Variants in MED13L observed in about 807,000 individuals in gnomAD.
MED13L encodes mediator complex subunit 13L, also known as mediator of RNA polymerase II transcription subunit 13-like.
Under a neutral mutation model 220.9 loss-of-function variants are expected in MED13L, and 7 were observed. The observed-to-expected ratio is 0.03, with a 90% CI of 0.02 to 0.06. The LOEUF is 0.06. MED13L is among the 10% of genes least tolerant of loss of function. The pLI is 1.00. For missense variants in MED13L, 1,965 were observed against 2,760.5 expected (o/e 0.71, Z 6.46); for synonymous variants, 1,011 against 1,015.2 (o/e 1.00, Z 0.08).
intron 4 of MED13L, among the ~76,000 whole-genome samples, chr12:116,060,748 C>T (rs1355827037): frequency 6.6e-6 from 1 of 151,822 alleles, no homozygotes; most frequent in African/African-American, 2.4e-5. Context: ...AGTATGTATG[C>T]CAATTGTTAG....
chr12:115,980,330 C>T (rs1200100624), intron 23 of MED13L, among the ~76,000 whole-genome samples: 1 of 152,088 alleles, frequency 6.6e-6, no homozygotes, highest in African/African-American at 2.4e-5. Flanking sequence ...AACCTGCCAA[C>T]TCGTTTTTAT....
intron 1 of MED13L, among the ~76,000 whole-genome samples, chr12:116,273,604 A>T (rs1873572362): frequency 6.6e-6 from 1 of 152,212 alleles, no homozygotes; most frequent in African/African-American, 2.4e-5. Flanking sequence ...AAAAGCTTCA[A>T]ATATAGAACT....
chr12:115,997,089 C>T lies in MED13L; in HGVS notation c.2711G>A (p.Ser904Asn). Residue 904 changes from serine to asparagine, a missense_variant, in exon 15 of 31, where the codon AGT (serine) becomes AAT (asparagine). Coordinates refer to ENST00000281928, the MANE Select transcript of MED13L (RefSeq NM_015335.5). Reference sequence around the variant, plus strand: ...TTCTGTGAGTTGTGTTGAAACCATACTGACCATAGGGCTCTCCATCATGCC... The same window carrying T: ...TTCTGTGAGTTGTGTTGAAACCATATTGACCATAGGGCTCTCCATCATGCC... ...ALGMMESPMV[S>N]MVSTQLTEFK... 1 of 1,614,136 alleles carries T rather than the reference C, an allele frequency of 6.2e-7. No homozygotes were observed. Among genetic ancestry groups the T allele is most frequent in the Non-Finnish European group, 8.5e-7 (1 of 1,179,996 alleles).
chr12:116,044,567 C>T (rs1186329187), intron 4 of MED13L, among the ~76,000 whole-genome samples: 1 of 152,156 alleles, frequency 6.6e-6, no homozygotes, highest in African/African-American at 2.4e-5. Context: ...AAGACAGATT[C>T]AAAAGCCTGG....
intron 2 of MED13L, among the ~76,000 whole-genome samples, chr12:116,180,320 C>CA (rs1880429917): frequency 6.6e-6 from 1 of 152,128 alleles, no homozygotes; most frequent in South Asian, 2.1e-4. Context: ...AACATGATAC[C>CA]ACAAGCGAAA....
At chr12:116,137,514 C>T (rs1876661773) in intron 2 of MED13L, among the ~76,000 whole-genome samples, 1 of 152,040 alleles carries the variant, frequency 6.6e-6, no homozygotes. Context: ...CCTTTGGAAA[C>T]TCACGGGGTT....
At chr12:116,092,609 G>A (rs1257997564) in intron 4 of MED13L, among the ~76,000 whole-genome samples, 9 of 152,228 alleles carry the variant, frequency 5.9e-5, no homozygotes, top group East Asian at 1.9e-4. Flanking sequence ...CAAAATACAC[G>A]CTTTGCTATT....
chr12:115,976,180 G>A (rs956635439), intron 23 of MED13L, among the ~76,000 whole-genome samples: 5 of 152,114 alleles, frequency 3.3e-5, no homozygotes, highest in Non-Finnish European at 5.9e-5. Context: ...CCAACAAAAT[G>A]CACATATATG....
intron 9 of MED13L, among the ~76,000 whole-genome samples, chr12:116,011,270 G>A (rs1242865755): frequency 6.6e-6 from 1 of 152,088 alleles, no homozygotes; most frequent in Admixed American, 6.5e-5. Flanking sequence ...CAATGGAATG[G>A]TGCCTTGGTA....
At chr12:116,205,321 GT>G (rs890490727) in intron 2 of MED13L, among the ~76,000 whole-genome samples, 5 of 151,336 alleles carry the variant, frequency 3.3e-5, no homozygotes, top group East Asian at 1.9e-4. Flanking sequence ...TTCAAGTCGT[GT>G]TTTTTTTAAC....
At chr12:116,174,326 C>A (rs1216373215) in intron 2 of MED13L, among the ~76,000 whole-genome samples, 1 of 151,850 alleles carries the variant, frequency 6.6e-6, no homozygotes, top group East Asian at 1.9e-4. Flanking sequence ...ATTTAACTGC[C>A]CAAGGGTAAA....
intron 2 of MED13L, among the ~76,000 whole-genome samples, chr12:116,143,754 T>A (rs1426946157): frequency 6.6e-6 from 1 of 152,198 alleles, no homozygotes; most frequent in Admixed American, 6.5e-5. Context: ...AAAGGAAGAA[T>A]AATTGAGATT....
At chr12:116,062,487 T>C (rs762536247) in intron 4 of MED13L, among the ~76,000 whole-genome samples, 2 of 108,358 alleles carry the variant, frequency 1.8e-5, no homozygotes, top group East Asian at 3.2e-4. Flanking sequence ...TCTCTCTCTG[T>C]GTTTTTTTTT....
At chr12:116,276,308 T>TTGTGTG (rs372521434) in intron 1 of MED13L, 15,526 of 224,698 alleles carry the variant, frequency 0.069, 755 homozygotes, top group Admixed American at 0.088. Context: ...CTTGTTGCTT[T>TTGTGTG]TGTGTGTGTG....
At chr12:116,106,647 C>A (rs1370086957) in intron 3 of MED13L, among the ~76,000 whole-genome samples, 1 of 152,012 alleles carries the variant, frequency 6.6e-6, no homozygotes, top group Non-Finnish European at 1.5e-5. Context: ...GAATTCGAGG[C>A]CAGCCTGGCC....
chr12:116,215,607 G>A (rs1882945460), intron 2 of MED13L, among the ~76,000 whole-genome samples: 1 of 151,860 alleles, frequency 6.6e-6, no homozygotes, highest in Admixed American at 6.6e-5. Context: ...ATCTAGGAAA[G>A]AGTAATTGTT....
Position 115,999,426 on chromosome 12 carries a change from T to C in MED13L, c.2570-2196A>G, listed in dbSNP as rs538645927. ...AAAGTTCATCTACGCTTGAAATAAA[T>C]CCATCACCTTTAACCTTTAGTCCCT... On this transcript the variant is annotated intron_variant, in intron 14 of 30. Coordinates refer to ENST00000281928, the MANE Select transcript of MED13L (RefSeq NM_015335.5). Among the ~76,000 whole-genome samples, 71 of 151,862 alleles carry C rather than the reference T, an allele frequency of 4.7e-4. 1 individual carries two copies. Among genetic ancestry groups the C allele is most frequent in the African/African-American group, 1.7e-3 (69 of 41,414 alleles).
At chr12:116,035,411 C>T (rs1448887400) in intron 4 of MED13L, among the ~76,000 whole-genome samples, 2 of 152,068 alleles carry the variant, frequency 1.3e-5, no homozygotes, top group Non-Finnish European at 2.9e-5. Context: ...GCAATCTTTA[C>T]AATTTCTATA....
chr12:116,022,908 T>C (rs1164908398), intron 4 of MED13L, among the ~76,000 whole-genome samples: 3 of 152,218 alleles, frequency 2.0e-5, no homozygotes. Context: ...GGAATTGGAA[T>C]AGTTTTCTAT....
Sources: gnomAD v4.1 joint callset for allele counts (sites outside exome capture counted in the v4.1 genomes callset) on GRCh38, gnomAD v4.1.1 for gene constraint, MANE v1.5 for transcripts, NCBI Gene and HGNC (gene_info 2026-07-23, HGNC 2026-07-21) for gene names.